MAML3: variants seen among roughly 807,000 people sequenced by gnomAD.
MAML3 encodes the protein mastermind-like protein 3.
MAML3 carries 27 observed loss-of-function variants against 101.9 expected under a neutral mutation model. The ratio of observed to expected loss-of-function variants is 0.27; its 90% CI spans 0.20 to 0.37. MAML3 has a LOEUF of 0.37. Ranked by LOEUF, MAML3 falls within the 10% of genes least tolerant of loss-of-function variation. The probability of loss-of-function intolerance (pLI) is 1.00; values close to 1 mark genes in which losing one functional copy is unlikely to be tolerated. For synonymous variants in MAML3, 501 were observed against 555.9 expected (o/e 0.90, Z 1.39); for missense variants, 1,316 against 1,444.9 (o/e 0.91, Z 1.45).
chr4:140,000,639 G>A (rs1734905997), intron 1 of MAML3, among the ~76,000 whole-genome samples: 1 of 152,160 alleles, frequency 6.6e-6, no homozygotes. Flanking sequence ...TCTTCCTAAA[G>A]GAGAAGAAGA....
At chr4:140,124,108 T>C (rs1728650172) in intron 1 of MAML3, among the ~76,000 whole-genome samples, 1 of 152,226 alleles carries the variant, frequency 6.6e-6, no homozygotes, top group African/African-American at 2.4e-5. Context: ...CTACCTTGAG[T>C]AGTCAAAATG....
At chr4:139,776,038 TA>T (rs1730089491) in intron 2 of MAML3, among the ~76,000 whole-genome samples, 1 of 152,214 alleles carries the variant, frequency 6.6e-6, no homozygotes, top group Non-Finnish European at 1.5e-5. Context: ...AAATCTTACA[TA>T]AATATTTCCC....
intron 1 of MAML3, among the ~76,000 whole-genome samples, chr4:140,008,173 C>G (rs907375657): frequency 6.6e-6 from 1 of 152,050 alleles, no homozygotes; most frequent in Non-Finnish European, 1.5e-5. Flanking sequence ...GGTGAAACCC[C>G]GTCTCTACGA....
At chr4:139,828,582 C>T (rs1259266305) in intron 2 of MAML3, among the ~76,000 whole-genome samples, 1 of 152,034 alleles carries the variant, frequency 6.6e-6, no homozygotes, top group Non-Finnish European at 1.5e-5. Flanking sequence ...TCTAGAGACG[C>T]CAAGCAAATG....
intron 2 of MAML3, among the ~76,000 whole-genome samples, chr4:139,793,219 C>T (rs1730450406): frequency 6.6e-6 from 1 of 152,136 alleles, no homozygotes; most frequent in Non-Finnish European, 1.5e-5. Flanking sequence ...TTTAGAGTTA[C>T]AGGTTCATTG....
At chr4:139,786,569 TGA>T (rs1303900908) in intron 2 of MAML3, among the ~76,000 whole-genome samples, 1 of 152,226 alleles carries the variant, frequency 6.6e-6, no homozygotes, top group African/African-American at 2.4e-5. Context: ...CATCTTGAAC[TGA>T]GAAAATGCTG....
chr4:139,882,773 T>C (rs985402392), intron 2 of MAML3, among the ~76,000 whole-genome samples: 7 of 152,084 alleles, frequency 4.6e-5, no homozygotes, highest in Non-Finnish European at 1.0e-4. Flanking sequence ...CACTTGAATC[T>C]GGGAGGCAGA....
rs575634320 is a variant in MAML3 at position 139,937,317 on chromosome 4, T to A, written c.469-46350A>T. Among the ~76,000 whole-genome samples the A allele has an allele frequency of 2.6e-5, 4 of 152,228 alleles. No homozygotes were observed. In the East Asian group the frequency reaches 7.7e-4, roughly 29 times the overall value. The stretch of plus-strand genomic sequence containing the variant: ...CACAACAACAAAACACCACAAGATT[T>A]CATATTATTGATGACATAAAGTGAA... On this transcript the variant is annotated intron_variant, in intron 1 of 4. Transcript: ENST00000509479.
intron 2 of MAML3, among the ~76,000 whole-genome samples, chr4:139,762,362 C>T (rs1729774472): frequency 6.6e-6 from 1 of 152,112 alleles, no homozygotes; most frequent in Non-Finnish European, 1.5e-5. Flanking sequence ...AGCACTTGGC[C>T]CTAGCATGCA....
chr4:139,750,590 G>C (rs1194261219), intron 2 of MAML3, among the ~76,000 whole-genome samples: 1 of 152,092 alleles, frequency 6.6e-6, no homozygotes, highest in African/African-American at 2.4e-5. Context: ...CGACACACTG[G>C]AATTCACTCC....
chr4:140,056,861 C>T (rs1396335964), intron 1 of MAML3, among the ~76,000 whole-genome samples: 1 of 151,384 alleles, frequency 6.6e-6, no homozygotes, highest in Non-Finnish European at 1.5e-5. Flanking sequence ...TCATAAAAAC[C>T]AATCAGGAGT....
chr4:139,837,263 G>T (rs557990043), intron 2 of MAML3, among the ~76,000 whole-genome samples: 1 of 152,036 alleles, frequency 6.6e-6, no homozygotes, highest in Non-Finnish European at 1.5e-5. Flanking sequence ...TTGGGAGGCC[G>T]AGACGGGCGG....
At chr4:140,137,239 C>T (rs1728906865) in intron 1 of MAML3, among the ~76,000 whole-genome samples, 1 of 152,324 alleles carries the variant, frequency 6.6e-6, no homozygotes, top group African/African-American at 2.4e-5. Flanking sequence ...CCGCCCACCT[C>T]GGCCTCCCAA....
chr4:140,044,426 T>G (rs1727145124), intron 1 of MAML3, among the ~76,000 whole-genome samples: 1 of 152,254 alleles, frequency 6.6e-6, no homozygotes, highest in South Asian at 2.1e-4. Context: ...GGATGACAGC[T>G]GTAGCATTAT....
intron 1 of MAML3, among the ~76,000 whole-genome samples, chr4:140,144,157 G>A (rs958864938): frequency 2.6e-5 from 4 of 152,064 alleles, no homozygotes; most frequent in Non-Finnish European, 5.9e-5. Flanking sequence ...CTGCCTTCTA[G>A]ACACCTGTAG....
intron 1 of MAML3, among the ~76,000 whole-genome samples, chr4:139,918,159 C>A (rs1165909266): frequency 1.3e-5 from 2 of 152,128 alleles, no homozygotes; most frequent in Admixed American, 1.3e-4. Context: ...CCCATCTTAC[C>A]CTTTCCAGTC....
intron 2 of MAML3, among the ~76,000 whole-genome samples, chr4:139,796,985 A>T (rs1428110964): frequency 6.6e-6 from 1 of 152,150 alleles, no homozygotes; most frequent in Non-Finnish European, 1.5e-5. Flanking sequence ...CAATTTCCTC[A>T]TCTGTAAAAT....
chr4:139,995,605 T>C (rs1006808585), intron 1 of MAML3, among the ~76,000 whole-genome samples: 1 of 152,182 alleles, frequency 6.6e-6, no homozygotes, highest in African/African-American at 2.4e-5. Context: ...TTAATTTATT[T>C]GATTTGTTGG....
chr4:139,986,496 T>G (rs1734542478), intron 1 of MAML3, among the ~76,000 whole-genome samples: 1 of 152,232 alleles, frequency 6.6e-6, no homozygotes, highest in Non-Finnish European at 1.5e-5. Flanking sequence ...TTCATTATTC[T>G]CCCACTTCTT....
Sources: gnomAD v4.1 joint callset for allele counts (sites outside exome capture counted in the v4.1 genomes callset) on GRCh38, gnomAD v4.1.1 for gene constraint, MANE v1.5 for transcripts, NCBI Gene and HGNC (gene_info 2026-07-23, HGNC 2026-07-21) for gene names.